HMOX2: variants seen among roughly 807,000 people sequenced by gnomAD.
HMOX2 encodes the protein heme oxygenase (decycling) 2.
HMOX2 carries 30 observed loss-of-function variants against 33.7 expected under a neutral mutation model. The ratio of observed to expected loss-of-function variants is 0.89; its 90% CI spans 0.67 to 1.21. The LOEUF (loss-of-function observed/expected upper bound fraction) is 1.21, where lower values mean the gene tolerates loss of function less well. Among genes scored for constraint, HMOX2 ranks in the 50% most tolerant of loss-of-function variants. HMOX2 has a pLI of 0.00. For synonymous variants in HMOX2, 155 were observed against 155.0 expected, an observed-to-expected ratio of 1.00 and a Z score of 0.00; for missense variants, 403 against 399.1, an observed-to-expected ratio of 1.01 and a Z score of -0.08.
chr16:4,481,374 T>G lies in HMOX2; in HGVS notation c.-42+4887T>G, dbSNP rs376458187. On this transcript the variant is annotated intron_variant, in intron 1 of 5. Transcript: ENST00000570646. Reference sequence around the variant, plus strand: ...AAAAAAAAAAAAAAAAAGAAAAAAATAAAACAATCTGGCATTATAATGCCA... The same window carrying G: ...AAAAAAAAAAAAAAAAAGAAAAAAAGAAAACAATCTGGCATTATAATGCCA... Among the ~76,000 whole-genome samples the G allele has an allele frequency of 9.8e-3, 1,413 of 144,238 alleles. 13 individuals carry two copies. The highest frequency in any genetic ancestry group is 0.022 in the Middle Eastern group (6 of 276). 94.6% of individuals were successfully genotyped at this position (144,238 alleles called of 152,430 possible). A position where few individuals can be genotyped will look rare whatever the true frequency, so the allele number is the denominator to read the frequency against.
intron 1 of HMOX2, among the ~76,000 whole-genome samples, chr16:4,502,196 A>G (rs1044573904): frequency 1.1e-4 from 17 of 152,038 alleles, no homozygotes; most frequent in African/African-American, 3.6e-4. Flanking sequence ...AAATGCTGGG[A>G]TTATAGGTGC....
intron 4 of HMOX2, among the ~76,000 whole-genome samples, 169 bp downstream of exon 4, chr16:4,508,373 G>A (rs1208016770): frequency 1.3e-5 from 2 of 152,196 alleles, no homozygotes; most frequent in African/African-American, 2.4e-5. Context: ...GGCCCAGTGG[G>A]TGGTTCCCAG....
At chr16:4,482,501 C>CT (rs2058056291) in intron 1 of HMOX2, among the ~76,000 whole-genome samples, 1 of 152,164 alleles carries the variant, frequency 6.6e-6, no homozygotes, top group South Asian at 2.1e-4. Context: ...TTCTGATACT[C>CT]TATCTGGAGA....
intron 1 of HMOX2, among the ~76,000 whole-genome samples, chr16:4,503,973 G>A (rs1418599371): frequency 6.6e-6 from 1 of 152,218 alleles, no homozygotes; most frequent in Non-Finnish European, 1.5e-5. Context: ...GTGCTACTGT[G>A]CTGCTATTCA....
At chr16:4,483,954 C>T (rs1234927993) in intron 1 of HMOX2, among the ~76,000 whole-genome samples, 1 of 150,382 alleles carries the variant, frequency 6.6e-6, no homozygotes, top group Non-Finnish European at 1.5e-5. Flanking sequence ...CAGTATCACA[C>T]CCGTGCATAT....
rs761140593 is a variant in HMOX2 at position 4,507,745 on chromosome 16, A to G, written c.237A>G (p.Ser79=). Residue 79 remains serine, a synonymous_variant, in exon 4 of 6, where the codon TCA becomes TCG. Transcript: ENST00000570646. Reference sequence around the variant, plus strand: ...CCACGGCACTTTACTTCACATACTCAGCCCTCGAGGAGGAAATGGAGCGCA... The same window carrying G: ...CCACGGCACTTTACTTCACATACTCGGCCCTCGAGGAGGAAATGGAGCGCA... ...LATTALYFTY[S]ALEEEMERNK... The G allele has an allele frequency of 8.1e-6, 13 of 1,614,042 alleles. No homozygotes were observed. Among genetic ancestry groups the G allele is most frequent in the Middle Eastern group, 1.6e-4 (1 of 6,082 alleles).
At chr16:4,502,597 G>A (rs1195404293) in intron 1 of HMOX2, 2 of 152,186 alleles carry the variant, frequency 1.3e-5, no homozygotes, top group Non-Finnish European at 2.9e-5. Context: ...CCTCTAGATA[G>A]CTCAGTGTTT....
At chr16:4,508,234 C>G (rs767602543) in intron 4 of HMOX2, 30 bp downstream of exon 4, 2 of 1,567,696 alleles carry the variant, frequency 1.3e-6, no homozygotes, top group East Asian at 2.2e-5. Flanking sequence ...GCTGCTAGGG[C>G]TGAAGAGGGA....
chr16:4,475,887 C>G (rs2141485350), upstream of HMOX2: 1 of 152,232 alleles, frequency 6.6e-6, no homozygotes, highest in East Asian at 1.9e-4. Context: ...TGCAGTGAGC[C>G]GAGATCACGT....
chr16:4,508,211 T>G lies in HMOX2; in HGVS notation c.696+7T>G, dbSNP rs563483460. 102 of 1,591,636 alleles carry G rather than the reference T, an allele frequency of 6.4e-5. 1 individual carries two copies. In the South Asian group the frequency reaches 1.1e-3, roughly 18 times the overall value. ...TTTTGAGTATAACATGCAGGTACTA[T>G]TGGGGGCTGCCAGCTGCTAGGGCTG... On this transcript the variant is annotated splice_region_variant and intron_variant, in intron 4 of 5. Transcript: ENST00000570646.
At chr16:4,483,305 G>A (rs1266277635) in intron 1 of HMOX2, among the ~76,000 whole-genome samples, 4 of 151,348 alleles carry the variant, frequency 2.6e-5, no homozygotes, top group Admixed American at 6.6e-5. Flanking sequence ...ACCTTCTCCC[G>A]TCCCCTGAGG....
intron 1 of HMOX2, among the ~76,000 whole-genome samples, chr16:4,484,227 G>T (rs1360429476): frequency 1.3e-5 from 2 of 151,994 alleles, no homozygotes; most frequent in Non-Finnish European, 2.9e-5. Context: ...ACCCACCTTG[G>T]CCTCCCAAAG....
intron 4 of HMOX2, 62 bp from the exon 5 acceptor site, chr16:4,509,350 T>TG: frequency 1.5e-6 from 2 of 1,377,342 alleles, no homozygotes; most frequent in Non-Finnish European, 2.0e-6. Flanking sequence ...AAAAGACATT[T>TG]AAAAAAAAAA....
intron 1 of HMOX2, among the ~76,000 whole-genome samples, chr16:4,491,730 A>T (rs531426427): frequency 5.3e-5 from 8 of 151,240 alleles, no homozygotes; most frequent in African/African-American, 1.5e-4. Flanking sequence ...TTTTTTTGAG[A>T]TGGAATCTCA....
chr16:4,484,405 T>C (rs2058111270), intron 1 of HMOX2, among the ~76,000 whole-genome samples: 1 of 151,978 alleles, frequency 6.6e-6, no homozygotes, highest in Non-Finnish European at 1.5e-5. Context: ...TGGAGATTAG[T>C]TCCAGGACCC....
chr16:4,495,815 T>C (rs2058403458), intron 1 of HMOX2: 1 of 152,240 alleles, frequency 6.6e-6, no homozygotes, highest in Non-Finnish European at 1.5e-5. Flanking sequence ...GACCCTATTG[T>C]GACCTCCCTT....
At chr16:4,484,196 A>G (rs1341886457) in intron 1 of HMOX2, among the ~76,000 whole-genome samples, 2 of 151,882 alleles carry the variant, frequency 1.3e-5, no homozygotes, top group East Asian at 3.9e-4. Flanking sequence ...AGATGGTCTC[A>G]ATCTCCTGAC....
At chr16:4,485,839 C>T (rs2058154098) in intron 1 of HMOX2, among the ~76,000 whole-genome samples, 1 of 152,154 alleles carries the variant, frequency 6.6e-6, no homozygotes, top group Non-Finnish European at 1.5e-5. Context: ...ATTCTCCTAC[C>T]TCTGCCTCCC....
In HMOX2 at chr16:4,507,000, G is replaced by A. The variant is rs767940988; in HGVS notation, c.192G>A (p.Lys64=). The A allele has an allele frequency of 1.9e-6, 3 of 1,608,926 alleles. No individual in the cohort carries two copies. In the Admixed American group the frequency reaches 5.0e-5, roughly 27 times the overall value. The part of the protein sequence containing the change: ...VKDFLKGNIK[K]ELFKLATTAL... ...ACTTCTTGAAAGGCAACATTAAGAA[G>A]GAGCTGTTTAAGGTTTGTGCCCCGC... Residue 64 remains lysine, a synonymous_variant, in exon 3 of 6, where the codon AAG becomes AAA. Coordinates refer to ENST00000570646, the MANE Select transcript of HMOX2 (RefSeq NM_002134.4).
Sources: gnomAD v4.1 joint callset for allele counts (sites outside exome capture counted in the v4.1 genomes callset) on GRCh38, gnomAD v4.1.1 for gene constraint, MANE v1.5 for transcripts, NCBI Gene and HGNC (gene_info 2026-07-23, HGNC 2026-07-21) for gene names.